The following URB2 variants were observed in gnomAD, a reference collection of about 807,000 sequenced individuals.
URB2 encodes the protein URB2 ribosome biogenesis homolog.
URB2 carries 86 observed loss-of-function variants against 120.9 expected under a neutral mutation model. The observed-to-expected ratio is 0.71, with a 90% CI of 0.60 to 0.85. The LOEUF (loss-of-function observed/expected upper bound fraction) is 0.85, where lower values mean the gene tolerates loss of function less well. Ranked by LOEUF, URB2 falls within the 40% of genes least tolerant of loss-of-function variation. URB2 has a pLI of 0.00. For synonymous variants in URB2, 755 were observed against 758.4 expected (o/e 1.00, Z 0.07); for missense variants, 1,765 against 1,836.5 (o/e 0.96, Z 0.71).
At chr1:229,641,099 G>A (rs561627342) in intron 4 of URB2, among the ~76,000 whole-genome samples, 2 of 139,832 alleles carry the variant, frequency 1.4e-5, no homozygotes, top group Non-Finnish European at 3.0e-5. Context: ...TGCAACCTCC[G>A]CCTCCCGGCT....
chr1:229,644,051 G>T lies in URB2; in HGVS notation c.3795+358G>T, dbSNP rs116482500. Among the ~76,000 whole-genome samples, 533 of 152,346 alleles carry T rather than the reference G, an allele frequency of 3.5e-3. 8 individuals carry two copies. The highest frequency in any genetic ancestry group is 0.012 in the African/African-American group (513 of 41,574). On this transcript the variant is annotated intron_variant, in intron 5 of 9. Coordinates refer to ENST00000258243, the MANE Select transcript of URB2 (RefSeq NM_014777.4). ...TTCTTGAAACATGTGGCCTGATTGG[G>T]CCATACTGCCTTCATGCCAGCATTT... is the stretch of plus-strand genomic sequence containing the variant.
chr1:229,645,363 C>T (rs971192851), intron 5 of URB2, among the ~76,000 whole-genome samples: 5 of 152,144 alleles, frequency 3.3e-5, no homozygotes, highest in South Asian at 2.1e-4. Flanking sequence ...ACATGTGACC[C>T]GATTGGGTCA....
chr1:229,627,660 C>T lies in URB2; in HGVS notation c.27C>T (p.Ser9=). The T allele has an allele frequency of 1.2e-6, 2 of 1,612,968 alleles. No homozygotes were observed. The highest frequency in any genetic ancestry group is 2.2e-5 in the East Asian group (1 of 44,798). Reference sequence around the variant, plus strand: ...TGGCTGCTGTTTATTCTGGCATTTCCCTTAAGCTTAAAAGCAAGACAACTT... The same window carrying T: ...TGGCTGCTGTTTATTCTGGCATTTCTCTTAAGCTTAAAAGCAAGACAACTT... MAAVYSGI[S]LKLKSKTTSW... Residue 9 remains serine, a synonymous_variant, in exon 2 of 10, where the codon TCC becomes TCT. Coordinates refer to ENST00000258243, the MANE Select transcript of URB2 (RefSeq NM_014777.4).
In URB2 at chr1:229,635,789, C is replaced by T. The variant is rs73101784; in HGVS notation, c.1176C>T (p.His392=). The T allele has an allele frequency of 5.0e-3, 8,074 of 1,614,190 alleles. 287 individuals carry two copies. In the African/African-American group the frequency reaches 0.088, roughly 18 times the overall value. The change falls in exon 4 of 10, where the codon CAC becomes CAT. Residue 392 remains histidine, a synonymous_variant. Transcript: ENST00000258243. ...HEEAQFRFYR[H]VAELLINHAQ... ...AGGCTCAGTTCCGCTTTTACCGCCACGTGGCTGAGCTGCTGATAAACCATG... is the reference window on the plus strand; with the variant it reads ...AGGCTCAGTTCCGCTTTTACCGCCATGTGGCTGAGCTGCTGATAAACCATG...
intron 2 of URB2, among the ~76,000 whole-genome samples, chr1:229,628,777 C>G (rs1473885716): frequency 6.6e-6 from 1 of 152,206 alleles, no homozygotes; most frequent in African/African-American, 2.4e-5. Flanking sequence ...ATGATAAACA[C>G]CAGGATGACA....
Position 229,637,964 on chromosome 1 carries a change from C to T in URB2, c.3351C>T (p.Ile1117=), listed in dbSNP as rs773035155. The T allele has an allele frequency of 6.2e-7, 1 of 1,613,744 alleles. No individual in the cohort carries two copies. The highest frequency in any genetic ancestry group is 1.1e-5 in the South Asian group (1 of 90,986). ...ARGWRLPSVL[I]SSVSTLLEAD... The stretch of plus-strand genomic sequence containing the variant: ...GCTGGCGCCTTCCCTCGGTCCTCAT[C>T]TCATCCGTCAGCACGCTCTTGGAAG... The change falls in exon 4 of 10, where the codon ATC becomes ATT. Residue 1117 remains isoleucine (I), a synonymous_variant. Transcript: ENST00000258243.
At position 229,645,948 on chromosome 1, in the gene URB2, C is replaced by T. The variant is rs1666138625; in HGVS notation, c.3885C>T (p.Pro1295=). Residue 1295 remains proline, a synonymous_variant, in exon 6 of 10, where the codon CCC becomes CCT. Coordinates refer to ENST00000258243, the MANE Select transcript of URB2 (RefSeq NM_014777.4). ...EKASLLWRAC[P]QIVTALTLLN... is the part of the protein sequence containing the mutation. ...CAAGTCTGTTGTGGCGTGCGTGTCCCCAGATAGTCACAGCTTTAACAGTGA... is the reference window on the plus strand; with the variant it reads ...CAAGTCTGTTGTGGCGTGCGTGTCCTCAGATAGTCACAGCTTTAACAGTGA... The T allele has an allele frequency of 6.2e-7, 1 of 1,614,166 alleles. No individual in the cohort carries two copies. The highest frequency in any genetic ancestry group is 1.3e-5 in the African/African-American group (1 of 75,048).
intron 6 of URB2, among the ~76,000 whole-genome samples, chr1:229,646,317 T>C (rs1666146168): frequency 6.6e-6 from 1 of 152,004 alleles, no homozygotes; most frequent in African/African-American, 2.4e-5. Context: ...AGAAATGGAG[T>C]CTCACTGTGT....
intron 4 of URB2, among the ~76,000 whole-genome samples, chr1:229,640,662 G>C (rs1478118280): frequency 3.9e-5 from 6 of 152,200 alleles, no homozygotes; most frequent in Admixed American, 3.9e-4. Context: ...AGAAAGTAAA[G>C]CCATCTGGTC....
chr1:229,653,809 G>A (rs756042819), intron 8 of URB2, among the ~76,000 whole-genome samples: 2 of 152,116 alleles, frequency 1.3e-5, no homozygotes, highest in Non-Finnish European at 2.9e-5. Context: ...TGAAATGTAA[G>A]GAGGCAAAGA....
At position 229,637,785 on chromosome 1, in the gene URB2, G is replaced by A; in HGVS notation, c.3172G>A (p.Val1058Met). Residue 1058 changes from valine to methionine, a missense_variant, in exon 4 of 10, where the codon GTG becomes ATG. By Grantham distance (21) the Val-to-Met change is conservative. Transcript: ENST00000258243. ...QNPQGRQLLL[V>M]SLTRLCHVLG... is the part of the protein sequence containing the mutation. ...CCCCCAGGGCAGGCAGCTCCTTCTG[G>A]TGTCTTTAACCAGGTTGTGCCATGT... 6.2e-7 allele frequency: 1 copy of A among 1,614,000 alleles called. No homozygotes were observed. Among genetic ancestry groups the A allele is most frequent in the African/African-American group, 1.3e-5 (1 of 75,054 alleles).
Position 229,634,926 on chromosome 1 carries a change from G to A in URB2, c.313G>A (p.Glu105Lys). The A allele has an allele frequency of 2.6e-6, 4 of 1,523,940 alleles. No individual in the cohort carries two copies. Among genetic ancestry groups the A allele is most frequent in the Non-Finnish European group, 3.5e-6 (4 of 1,135,402 alleles). 94.4% of individuals were successfully genotyped at this position (1,523,940 alleles called of 1,614,324 possible). A position where few individuals can be genotyped will look rare whatever the true frequency, so the allele number is the denominator to read the frequency against. ...CTTTCTTAATGTTCAGATCATCAAT[G>A]AGAGAGTAGCTGAGTTCTCTCTTTC... ...LQISLVKIIN[E>K]RVAEFSLSGS... is the part of the protein sequence containing the mutation. Residue 105 changes from glutamate (E) to lysine (K), a missense_variant, in exon 4 of 10, where the codon GAG becomes AAG. Coordinates refer to ENST00000258243, the MANE Select transcript of URB2 (RefSeq NM_014777.4).
At chr1:229,634,075 G>A (rs1259098986) in intron 3 of URB2, among the ~76,000 whole-genome samples, 2 of 152,068 alleles carry the variant, frequency 1.3e-5, no homozygotes, top group African/African-American at 2.4e-5. Context: ...CAAGTGATCC[G>A]CCCCGACTCA....
chr1:229,645,244 C>G (rs1202472208), intron 5 of URB2, among the ~76,000 whole-genome samples: 1 of 150,274 alleles, frequency 6.7e-6, no homozygotes, highest in African/African-American at 2.5e-5. Flanking sequence ...GAGATCATGC[C>G]ATTGCACTCC....
At chr1:229,632,533 T>C in intron 3 of URB2, 88 bp downstream of exon 3, 2 of 1,202,368 alleles carry the variant, frequency 1.7e-6, no homozygotes, top group South Asian at 4.1e-5. Flanking sequence ...GTCAATTGTA[T>C]GAAGATATAG....
chr1:229,636,605 T>G lies in URB2; in HGVS notation c.1992T>G (p.Ala664=), dbSNP rs1309778739. The part of the protein sequence containing the change: ...QHWKKIEKFT[A]QFSSLGTYCL... ...GGAAGAAGATAGAGAAGTTTACAGC[T>G]CAGTTCAGCTCTCTTGGTACATATT... Residue 664 remains alanine (A), a synonymous_variant, in exon 4 of 10, where the codon GCT becomes GCG. Transcript: ENST00000258243. 6.2e-7 allele frequency: 1 copy of G among 1,614,096 alleles called. No individual in the cohort carries two copies. Among genetic ancestry groups the G allele is most frequent in the Non-Finnish European group, 8.5e-7 (1 of 1,180,044 alleles).
Position 229,627,718 on chromosome 1 carries a change from G to T in URB2, c.85G>T (p.Ala29Ser), listed in dbSNP as rs971741255. 6.2e-7 allele frequency: 1 copy of T among 1,612,470 alleles called. No homozygotes were observed. Among genetic ancestry groups the T allele is most frequent in the South Asian group, 1.1e-5 (1 of 90,810 alleles). Residue 29 changes from alanine to serine, a missense_variant, in exon 2 of 10, where the codon GCT becomes TCT. Coordinates refer to ENST00000258243, the MANE Select transcript of URB2 (RefSeq NM_014777.4). Reference protein sequence around the residue: ...WEDKLKLAHFAWISHQCFLPN... With the variant: ...WEDKLKLAHFSWISHQCFLPN... ...AGATAAACTAAAACTAGCTCACTTTGCTTGGATTTCTCACCAGTGCTTTCT... is the reference window on the plus strand; with the variant it reads ...AGATAAACTAAAACTAGCTCACTTTTCTTGGATTTCTCACCAGTGCTTTCT...
chr1:229,632,961 T>C (rs1478605109), intron 3 of URB2, among the ~76,000 whole-genome samples: 1 of 152,212 alleles, frequency 6.6e-6, no homozygotes, highest in Admixed American at 6.5e-5. Context: ...CAAAACTGAG[T>C]GTGTTTAAAT....
At chr1:229,649,003 T>C (rs149481283) in intron 7 of URB2, among the ~76,000 whole-genome samples, 1 of 152,308 alleles carries the variant, frequency 6.6e-6, no homozygotes, top group African/African-American at 2.4e-5. Flanking sequence ...CTGTAGACAG[T>C]TGTAACACAA....
Sources: gnomAD v4.1 joint callset for allele counts (sites outside exome capture counted in the v4.1 genomes callset) on GRCh38, gnomAD v4.1.1 for gene constraint, MANE v1.5 for transcripts, NCBI Gene and HGNC (gene_info 2026-07-23, HGNC 2026-07-21) for gene names.